The following PRLR variants were observed in gnomAD, a reference collection of about 807,000 sequenced individuals.
The protein encoded by PRLR is prolactin receptor, also known as hPRL receptor.
PRLR carries 13 observed loss-of-function variants against 40.2 expected under a neutral mutation model. The ratio of observed to expected loss-of-function variants is 0.32; its 90% confidence interval spans 0.21 to 0.51. PRLR has a LOEUF of 0.51. Among genes scored for constraint, PRLR ranks in the 20% least tolerant of loss-of-function variants. The pLI, the probability that PRLR is intolerant of heterozygous loss-of-function variation, is 0.97. For synonymous variants in PRLR, 269 were observed against 278.7 expected, an observed-to-expected ratio of 0.97 and a Z score of 0.35; for missense variants, 656 against 747.3, an observed-to-expected ratio of 0.88 and a Z score of 1.42.
At chr5:35,140,648 T>TG (rs1488898962) in intron 1 of PRLR, among the ~76,000 whole-genome samples, 2 of 152,142 alleles carry the variant, frequency 1.3e-5, no homozygotes, top group Non-Finnish European at 2.9e-5. Context: ...CCTTATGATG[T>TG]GGGGGGAGGA....
intron 2 of PRLR, among the ~76,000 whole-genome samples, chr5:35,090,789 CTCTTTTTTTTTTTTT>C (rs1232960235): frequency 0.015 from 1,593 of 105,062 alleles, 58 homozygotes; most frequent in African/African-American, 0.051. Context: ...CATCAATTAG[CTCTTTTTTTTTTTTT>C]TTTTTTTTTT....
intron 1 of PRLR, among the ~76,000 whole-genome samples, chr5:35,177,797 C>T (rs970426553): frequency 3.9e-5 from 6 of 152,170 alleles, no homozygotes; most frequent in African/African-American, 1.4e-4. Flanking sequence ...GCTTGAGTAT[C>T]TGTTTTCAGT....
intron 8 of PRLR, chr5:35,049,414 G>T (rs1768399103): frequency 1.4e-6 from 1 of 702,976 alleles, no homozygotes; most frequent in Non-Finnish European, 2.6e-6. Flanking sequence ...GTCACCTGGA[G>T]TGGGGAAGAA....
At chr5:35,053,546 G>A (rs1469248255), downstream of PRLR, among the ~76,000 whole-genome samples, 5 of 152,086 alleles carry the variant, frequency 3.3e-5, no homozygotes, top group African/African-American at 4.8e-5. Flanking sequence ...CTAGCTACTC[G>A]GGAGGCTGAG....
intron 5 of PRLR, among the ~76,000 whole-genome samples, chr5:35,074,251 A>G (rs189814454): frequency 6.6e-6 from 1 of 152,114 alleles, no homozygotes; most frequent in African/African-American, 2.4e-5. Context: ...ACCTGAGGTC[A>G]GGAGTTTGAG....
In PRLR at chr5:35,065,293, G is replaced by C; in HGVS notation, c.1665C>G (p.Asn555Lys). The C allele has an allele frequency of 6.2e-7, 1 of 1,614,140 alleles. No individual in the cohort carries two copies. Among genetic ancestry groups the C allele is most frequent in the Non-Finnish European group, 8.5e-7 (1 of 1,180,002 alleles). ...EYAKVSGVMD[N>K]NILVLVPDPH... ...GATCTGGCACCAACACCAGGATGTTGTTATCCATGACCCCGGACACCTTGG... is the reference window on the plus strand; with the variant it reads ...GATCTGGCACCAACACCAGGATGTTCTTATCCATGACCCCGGACACCTTGG... Residue 555 changes from asparagine (N) to lysine (K), a missense_variant, in exon 10 of 10, where the codon AAC (asparagine) becomes AAG (lysine). Asn to Lys is a moderately conservative substitution (Grantham distance 94). Coordinates refer to ENST00000618457, the MANE Select transcript of PRLR (RefSeq NM_000949.7).
chr5:35,068,601 G>A (rs546004725), intron 8 of PRLR, among the ~76,000 whole-genome samples, 178 bp downstream of exon 8: 6 of 152,146 alleles, frequency 3.9e-5, no homozygotes, highest in Admixed American at 2.0e-4. Flanking sequence ...AGCCTGAAAC[G>A]AGTCAATTTT....
intron 1 of PRLR, among the ~76,000 whole-genome samples, chr5:35,213,210 T>C (rs1486408761): frequency 6.6e-6 from 1 of 152,198 alleles, no homozygotes; most frequent in Non-Finnish European, 1.5e-5. Flanking sequence ...GAAATACCAT[T>C]GTGGGAAGTT....
Position 35,062,919 on chromosome 5 carries a change from C to G in PRLR, c.*2170G>C. 1 of 152,208 alleles carries G rather than the reference C, an allele frequency of 6.6e-6. No homozygotes were observed. Among genetic ancestry groups the G allele is most frequent in the East Asian group, 1.9e-4 (1 of 5,200 alleles). The allele number at this position is 152,208 out of a possible 1,614,324, so 9.4% of individuals were successfully genotyped here. On this transcript the variant is annotated 3_prime_UTR_variant, in exon 10 of 10. Coordinates refer to ENST00000618457, the MANE Select transcript of PRLR (RefSeq NM_000949.7). ...TCATTGCAAGTCAAACAGACTTGAT[C>G]TGTCCTTTCCAAAAGAGGATTGTTA...
chr5:35,086,918 G>A (rs1195314112), intron 3 of PRLR, among the ~76,000 whole-genome samples: 1 of 151,996 alleles, frequency 6.6e-6, no homozygotes, highest in Non-Finnish European at 1.5e-5. Context: ...TCACTACATC[G>A]CTAAAGCTCC....
At chr5:35,181,681 C>A (rs529616826) in intron 1 of PRLR, among the ~76,000 whole-genome samples, 39 of 152,242 alleles carry the variant, frequency 2.6e-4, no homozygotes, top group African/African-American at 9.1e-4. Context: ...CAGCAAATCC[C>A]TTTTTTATGA....
intron 5 of PRLR, among the ~76,000 whole-genome samples, chr5:35,073,773 C>G (rs1164302104): frequency 6.6e-6 from 1 of 152,054 alleles, no homozygotes; most frequent in East Asian, 1.9e-4. Context: ...GACAAATGGC[C>G]AAGAAGCACA....
chr5:35,051,836 C>A (rs144138386), downstream of PRLR, among the ~76,000 whole-genome samples: 3 of 152,110 alleles, frequency 2.0e-5, no homozygotes, highest in East Asian at 5.8e-4. Flanking sequence ...TGACACAGAA[C>A]AATTAGGAAG....
intron 2 of PRLR, among the ~76,000 whole-genome samples, chr5:35,116,306 T>G (rs918452079): frequency 6.6e-5 from 10 of 152,172 alleles, no homozygotes; most frequent in Non-Finnish European, 1.2e-4. Context: ...TTTATACTAT[T>G]TGGTTAATTT....
At position 35,116,321 on chromosome 5, in the gene PRLR, T is replaced by A. The variant is rs530262509; in HGVS notation, c.-44+1740A>T. On this transcript the variant is annotated intron_variant, in intron 2 of 9. Coordinates refer to ENST00000618457, the MANE Select transcript of PRLR (RefSeq NM_000949.7). ...TTTATACTATTTGGTTAATTTTTTT[T>A]AAAAAAGGATTTCTGGTTAAGCCAC... 7.4e-3 allele frequency among the ~76,000 whole-genome samples: 1,125 copies of A among 152,270 alleles called. 22 individuals are homozygous for A. Among genetic ancestry groups the A allele is most frequent in the African/African-American group, 0.026 (1,072 of 41,554 alleles).
chr5:35,080,093 A>G (rs1276909660), intron 5 of PRLR, among the ~76,000 whole-genome samples: 1 of 152,236 alleles, frequency 6.6e-6, no homozygotes, highest in East Asian at 1.9e-4. Context: ...AATCTAGAAG[A>G]AAACCTAGGC....
At chr5:35,120,753 C>A (rs549285947) in intron 1 of PRLR, among the ~76,000 whole-genome samples, 1 of 152,316 alleles carries the variant, frequency 6.6e-6, no homozygotes. Flanking sequence ...ACTTGGAGTA[C>A]TGTGCTCATT....
chr5:35,221,787 T>C (rs1290901338), intron 1 of PRLR, among the ~76,000 whole-genome samples: 3 of 152,186 alleles, frequency 2.0e-5, no homozygotes, highest in Non-Finnish European at 4.4e-5. Context: ...GCTAAAGCTT[T>C]TGGAAATTGT....
At chr5:35,083,354 T>C (rs981239401) in intron 5 of PRLR, among the ~76,000 whole-genome samples, 1 of 151,952 alleles carries the variant, frequency 6.6e-6, no homozygotes, top group Non-Finnish European at 1.5e-5. Flanking sequence ...GCCAGAGAGC[T>C]TCCCGTTCAG....
Sources: allele counts gnomAD v4.1 joint callset (sites outside exome capture counted in the v4.1 genomes callset), GRCh38; gene constraint gnomAD v4.1.1; transcripts MANE v1.5; gene names NCBI Gene and HGNC (gene_info 2026-07-23, HGNC 2026-07-21).